THEMIS: variants seen among roughly 807,000 people sequenced by gnomAD.
THEMIS encodes protein THEMIS.
In THEMIS, 37 loss-of-function variants were observed where a neutral mutation model predicts 52.6. That is an observed-to-expected ratio of 0.70 (90% CI 0.54 to 0.93). The LOEUF is 0.93. Ranked by LOEUF, THEMIS falls within the 40% of genes least tolerant of loss-of-function variation. The pLI is 0.00. For missense variants in THEMIS, 808 were observed against 763.1 expected (o/e 1.06, Z -0.69); for synonymous variants, 292 against 272.7 (o/e 1.07, Z -0.70).
chr6:127,808,130 C>A (rs1777781762), intron 4 of THEMIS, among the ~76,000 whole-genome samples: 1 of 152,272 alleles, frequency 6.6e-6, no homozygotes, highest in Middle Eastern at 3.4e-3. Context: ...CATTAAATGG[C>A]CAAACAGAGT....
intron 2 of THEMIS, among the ~76,000 whole-genome samples, chr6:127,840,170 C>CATT (rs1778999074): frequency 1.3e-5 from 2 of 152,004 alleles, no homozygotes; most frequent in Non-Finnish European, 2.9e-5. Context: ...TCTTTAAAAA[C>CATT]ATTTTTACTT....
At chr6:127,716,376 C>T (rs573332637) in intron 5 of THEMIS, among the ~76,000 whole-genome samples, 11 of 151,928 alleles carry the variant, frequency 7.2e-5, no homozygotes, top group South Asian at 6.2e-4. Flanking sequence ...AATAATCATC[C>T]TCTTGTACCA....
At chr6:127,839,693 T>A in intron 2 of THEMIS, among the ~76,000 whole-genome samples, 1 of 152,060 alleles carries the variant, frequency 6.6e-6, no homozygotes, top group East Asian at 1.9e-4. Flanking sequence ...TCTAAAAGTC[T>A]TTTAATTCAT....
chr6:127,719,877 G>C (rs1318781582), intron 4 of THEMIS, 54 bp from the exon 5 acceptor site: 94 of 1,587,570 alleles, frequency 5.9e-5, no homozygotes, highest in Non-Finnish European at 7.5e-5. Context: ...ATGCTTCATA[G>C]AGATATGAAA....
At chr6:127,791,544 C>T (rs1253678282) in intron 4 of THEMIS, among the ~76,000 whole-genome samples, 1 of 152,172 alleles carries the variant, frequency 6.6e-6, no homozygotes, top group Non-Finnish European at 1.5e-5. Context: ...TAAGTTCTCA[C>T]TCCATGGCAG....
intron 4 of THEMIS, among the ~76,000 whole-genome samples, chr6:127,730,172 C>G (rs1442398934): frequency 6.6e-6 from 1 of 151,648 alleles, no homozygotes; most frequent in African/African-American, 2.4e-5. Context: ...GAAGCTGAGG[C>G]TGGAGGATTG....
chr6:127,828,845 T>C (rs1778596603), intron 3 of THEMIS, among the ~76,000 whole-genome samples: 1 of 151,998 alleles, frequency 6.6e-6, no homozygotes, highest in Non-Finnish European at 1.5e-5. Flanking sequence ...TCCCAGCTAC[T>C]TGGGAGGCTG....
At chr6:127,823,944 A>C (rs1778420459) in intron 3 of THEMIS, among the ~76,000 whole-genome samples, 1 of 152,174 alleles carries the variant, frequency 6.6e-6, no homozygotes, top group African/African-American at 2.4e-5. Flanking sequence ...ACTTGACAGA[A>C]TAGAAAAAGG....
At chr6:127,781,115 T>C (rs373862962) in intron 4 of THEMIS, among the ~76,000 whole-genome samples, 6 of 151,980 alleles carry the variant, frequency 3.9e-5, no homozygotes, top group African/African-American at 1.4e-4. Context: ...CTCTCTAATC[T>C]TGTCTTCAAG....
chr6:127,890,634 G>A (rs755357649), intron 1 of THEMIS, among the ~76,000 whole-genome samples: 2 of 152,084 alleles, frequency 1.3e-5, no homozygotes, highest in Non-Finnish European at 2.9e-5. Flanking sequence ...GAGGTGAACA[G>A]TATCCTAATT....
the THEMIS span, among the ~76,000 whole-genome samples, chr6:127,698,500 T>C: frequency 6.6e-6 from 1 of 152,072 alleles, no homozygotes; most frequent in Non-Finnish European, 1.5e-5. Flanking sequence ...AATTGTAGTA[T>C]ATTACACAAG....
Position 127,813,542 on chromosome 6 carries a change from C to G in THEMIS, c.1099G>C (p.Val367Leu), listed in dbSNP as rs763925728. 2 of 1,613,186 alleles carry G rather than the reference C, an allele frequency of 1.2e-6. No individual in the cohort carries two copies. Residue 367 changes from valine to leucine, a missense_variant, in exon 4 of 6, where the codon GTG (valine) becomes CTG (leucine). Transcript: ENST00000368248. ...IAKSEKEPLH[V>L]VATKAFHSPH... ...GAATGAAACGCTTTGGTGGCCACCA[C>G]GTGAAGAGGCTCCTTTTCACTCTTA...
intron 4 of THEMIS, among the ~76,000 whole-genome samples, chr6:127,812,355 A>G (rs998176859): frequency 6.6e-6 from 1 of 152,208 alleles, no homozygotes; most frequent in Non-Finnish European, 1.5e-5. Context: ...GATAAGCAGA[A>G]TGTGGGCAGA....
At chr6:127,918,455 A>G (rs929558124) in exon 1 of THEMIS, 1 of 152,194 alleles carries the variant, frequency 6.6e-6, no homozygotes, top group Non-Finnish European at 1.5e-5. Context: ...GATGTTAATG[A>G]TCATTATCTG....
chr6:127,730,207 T>C (rs1774717237), intron 4 of THEMIS, among the ~76,000 whole-genome samples: 2 of 150,526 alleles, frequency 1.3e-5, no homozygotes, highest in Admixed American at 6.7e-5. Flanking sequence ...TTCAAGGCTG[T>C]AGTGAGCTGT....
intron 3 of THEMIS, among the ~76,000 whole-genome samples, chr6:127,818,857 C>T (rs778432424): frequency 2.6e-5 from 4 of 151,902 alleles, no homozygotes; most frequent in Non-Finnish European, 5.9e-5. Flanking sequence ...CGGTGGCTCA[C>T]GCCTGTAATC....
chr6:127,812,922 T>G lies in THEMIS; in HGVS notation c.1719A>C (p.Leu573Phe), dbSNP rs1777960902. The stretch of plus-strand genomic sequence containing the variant: ...GCAGGTCTACCGTCCTTTCTTCTGC[T>G]AAGGTTAGCAGGGTTAACTTTGTTT... ...VEETKLTLLT[L>F]AEERTVDLPK... Residue 573 changes from leucine to phenylalanine, a missense_variant, in exon 4 of 6, where the codon TTA becomes TTC. By Grantham distance (22) the Leu-to-Phe change is conservative (BLOSUM62 0). Transcript: ENST00000368248. 2 of 1,613,032 alleles carry G rather than the reference T, an allele frequency of 1.2e-6. No individual in the cohort carries two copies. Among genetic ancestry groups the G allele is most frequent in the South Asian group, 2.2e-5 (2 of 90,954 alleles).
chr6:127,776,479 G>T (rs1776568370), intron 4 of THEMIS, among the ~76,000 whole-genome samples: 1 of 152,196 alleles, frequency 6.6e-6, no homozygotes, highest in African/African-American at 2.4e-5. Flanking sequence ...GACTGACCTG[G>T]ATCAGAGCAT....
chr6:127,820,167 C>T (rs919557624), intron 3 of THEMIS, among the ~76,000 whole-genome samples: 1 of 151,440 alleles, frequency 6.6e-6, no homozygotes, highest in Admixed American at 6.6e-5. Context: ...AATTGATATG[C>T]TAAGAGAAAA....
Sources: gnomAD v4.1 joint callset for allele counts (sites outside exome capture counted in the v4.1 genomes callset) on GRCh38, gnomAD v4.1.1 for gene constraint, MANE v1.5 for transcripts, NCBI Gene and HGNC (gene_info 2026-07-23, HGNC 2026-07-21) for gene names.